The following FBXL17 variants were observed in gnomAD, a reference collection of about 807,000 sequenced individuals.
The protein encoded by FBXL17 is F-box/LRR-repeat protein 17.
A neutral mutation model predicts 66.2 loss-of-function variants in FBXL17; 22 were observed. The ratio of observed to expected loss-of-function variants is 0.33; its 90% CI spans 0.24 to 0.47. The LOEUF (loss-of-function observed/expected upper bound fraction) is 0.47, where lower values mean the gene tolerates loss of function less well. FBXL17 is among the 20% of genes least tolerant of loss of function. FBXL17 has a pLI of 1.00. For missense variants in FBXL17, 878 were observed against 948.2 expected, an observed-to-expected ratio of 0.93 and a Z score of 0.97; for synonymous variants, 474 against 400.5, an observed-to-expected ratio of 1.18 and a Z score of -2.19.
chr5:108,255,854 C>T (rs1358337930), intron 4 of FBXL17, among the ~76,000 whole-genome samples: 1 of 152,096 alleles, frequency 6.6e-6, no homozygotes, highest in Non-Finnish European at 1.5e-5. Flanking sequence ...GGTTTTGTTC[C>T]TGCCAATTGA....
chr5:107,966,083 G>T (rs969380278), intron 7 of FBXL17, among the ~76,000 whole-genome samples: 2 of 151,970 alleles, frequency 1.3e-5, no homozygotes, highest in Admixed American at 6.6e-5. Flanking sequence ...AGTATTACAG[G>T]CATAAAAATT....
At chr5:107,992,511 T>C (rs1753291700) in intron 7 of FBXL17, among the ~76,000 whole-genome samples, 1 of 152,292 alleles carries the variant, frequency 6.6e-6, no homozygotes, top group South Asian at 2.1e-4. Context: ...AACACTGCCA[T>C]TACTAAGCAG....
At chr5:108,379,287 T>C (rs1749674201) in intron 1 of FBXL17, among the ~76,000 whole-genome samples, 1 of 152,244 alleles carries the variant, frequency 6.6e-6, no homozygotes, top group Admixed American at 6.5e-5. Flanking sequence ...CAAGTTTCTA[T>C]ACCAAATATT....
intron 5 of FBXL17, among the ~76,000 whole-genome samples, chr5:108,206,427 T>C (rs539947028): frequency 1.5e-4 from 23 of 152,248 alleles, no homozygotes; most frequent in African/African-American, 5.5e-4. Flanking sequence ...TTAAAATGTA[T>C]AATTTGGTAA....
intron 6 of FBXL17, among the ~76,000 whole-genome samples, chr5:108,142,323 A>G (rs908702621): frequency 1.3e-5 from 2 of 152,202 alleles, no homozygotes; most frequent in Non-Finnish European, 2.9e-5. Flanking sequence ...TTTTTTTCAA[A>G]GACTGTTTTG....
intron 7 of FBXL17, among the ~76,000 whole-genome samples, chr5:107,881,752 C>T (rs1225223618): frequency 3.9e-5 from 6 of 152,126 alleles, no homozygotes; most frequent in Admixed American, 3.3e-4. Flanking sequence ...TTAATTGGTG[C>T]CATGCTAGAG....
At chr5:108,103,721 T>C (rs921142667) in intron 6 of FBXL17, among the ~76,000 whole-genome samples, 1 of 152,214 alleles carries the variant, frequency 6.6e-6, no homozygotes, top group Non-Finnish European at 1.5e-5. Flanking sequence ...CTTATCTTTT[T>C]CCTTGATGGA....
rs75119732 is a variant in FBXL17, at chr5:108,334,175, A to C, written c.1506+14224T>G. 1.1e-3 allele frequency among the ~76,000 whole-genome samples: 165 copies of C among 152,324 alleles called. 1 individual carries two copies. In the East Asian group the frequency reaches 0.029, roughly 27 times the overall value. On this transcript the variant is annotated intron_variant, in intron 4 of 8. Coordinates refer to ENST00000542267, the MANE Select transcript of FBXL17 (RefSeq NM_001163315.3). ...GGTTAAAAAATAAATAAACACCTAA[A>C]TTGCCCAAGAACTAGGAAATGAAAA...
At chr5:108,079,126 G>C (rs1391805383) in intron 6 of FBXL17, among the ~76,000 whole-genome samples, 1 of 151,676 alleles carries the variant, frequency 6.6e-6, no homozygotes, top group Non-Finnish European at 1.5e-5. Context: ...TGGGATTATG[G>C]GCATGAGTCA....
intron 4 of FBXL17, among the ~76,000 whole-genome samples, chr5:108,247,783 TGA>T (rs1756170847): frequency 6.6e-6 from 1 of 152,204 alleles, no homozygotes; most frequent in South Asian, 2.1e-4. Context: ...TTCATCTACA[TGA>T]TACTTGTGAG....
At chr5:108,192,958 T>C (rs1357770999) in intron 5 of FBXL17, among the ~76,000 whole-genome samples, 3 of 152,192 alleles carry the variant, frequency 2.0e-5, no homozygotes, top group African/African-American at 7.2e-5. Context: ...AAAGGCAGCA[T>C]GGATGTTCTA....
At chr5:108,233,845 G>A (rs1387017093) in intron 4 of FBXL17, among the ~76,000 whole-genome samples, 1 of 152,070 alleles carries the variant, frequency 6.6e-6, no homozygotes, top group African/African-American at 2.4e-5. Flanking sequence ...CTAAACCTAA[G>A]GCAAATGAAA....
Position 107,871,111 on chromosome 5 carries a change from G to A in FBXL17, c.1966-9251C>T, listed in dbSNP as rs544084931. ...CTAAAAATCTCAAAGTATACAGTAA[G>A]ACAGATACTGAGAATGCAATGAACC... On this transcript the variant is annotated intron_variant, in intron 8 of 8. Transcript: ENST00000542267. Among the ~76,000 whole-genome samples, 22 of 120,908 alleles carry A rather than the reference G, an allele frequency of 1.8e-4. No individual in the cohort carries two copies. The South Asian group carries it at 5.6e-3, about 31-fold the overall frequency. 79.3% of individuals were successfully genotyped at this position (120,908 alleles called of 152,430 possible). A position where few individuals can be genotyped will look rare whatever the true frequency, so the allele number is the denominator to read the frequency against.
intron 3 of FBXL17, among the ~76,000 whole-genome samples, chr5:108,360,825 A>G (rs1267786459): frequency 1.3e-5 from 2 of 151,906 alleles, no homozygotes; most frequent in Non-Finnish European, 2.9e-5. Flanking sequence ...CAATTGTCCT[A>G]TCTTCTTTCT....
At chr5:107,973,606 A>G (rs1752465405) in intron 7 of FBXL17, among the ~76,000 whole-genome samples, 1 of 151,958 alleles carries the variant, frequency 6.6e-6, no homozygotes, top group Non-Finnish European at 1.5e-5. Context: ...CAGTTTTGAA[A>G]TGTGATTTAT....
intron 8 of FBXL17, among the ~76,000 whole-genome samples, chr5:107,872,644 A>T (rs895621183): frequency 6.6e-6 from 1 of 152,226 alleles, no homozygotes; most frequent in Non-Finnish European, 1.5e-5. Flanking sequence ...ATAACATAGA[A>T]GGAGAAACCC....
chr5:107,901,401 C>G (rs532697195), intron 7 of FBXL17, among the ~76,000 whole-genome samples: 18 of 152,258 alleles, frequency 1.2e-4, no homozygotes, highest in African/African-American at 4.3e-4. Context: ...TCTTGATTAT[C>G]TTTTAAAATA....
At position 108,381,592 on chromosome 5, in the gene FBXL17, G is replaced by A. The variant is rs115841740; in HGVS notation, c.100C>T (p.Pro34Ser). Reference sequence around the variant, plus strand: ...GGCACCTTGGCTGGGGTCCGGCGGGGCAGCCTGAGGAGAGGGCGCCGGCGG... The same window carrying A: ...GGCACCTTGGCTGGGGTCCGGCGGGACAGCCTGAGGAGAGGGCGCCGGCGG... ...CRRRRPLLRL[P>S]RRTPAKVPPQ... Residue 34 changes from proline (P) to serine (S), a missense_variant, in exon 1 of 9, where the codon CCC (proline) becomes TCC (serine). Around this residue, in one of 4 missense-constraint regions of FBXL17, gnomAD observed 605 missense variants for 509.5 expected, o/e 1.19. Coordinates refer to ENST00000542267, the MANE Select transcript of FBXL17 (RefSeq NM_001163315.3). 7,274 of 1,461,828 alleles carry A rather than the reference G, an allele frequency of 5.0e-3. 298 individuals are homozygous for A. The African/African-American group carries it at 0.096, about 19-fold the overall frequency. 90.6% of individuals were successfully genotyped at this position (1,461,828 alleles called of 1,614,324 possible). A position where few individuals can be genotyped will look rare whatever the true frequency, so the allele number is the denominator to read the frequency against.
chr5:108,223,271 A>G (rs1221510766), intron 5 of FBXL17, among the ~76,000 whole-genome samples: 1 of 152,160 alleles, frequency 6.6e-6, no homozygotes, highest in Non-Finnish European at 1.5e-5. Context: ...GAAGACATCA[A>G]ACTGAAAGAG....
Sources: allele counts gnomAD v4.1 joint callset (sites outside exome capture counted in the v4.1 genomes callset), GRCh38; gene constraint gnomAD v4.1.1; regional missense constraint gnomAD v4.1.1; transcripts MANE v1.5; gene names NCBI Gene and HGNC (gene_info 2026-07-23, HGNC 2026-07-21).